Variants in FLT4 observed in about 807,000 individuals in gnomAD.
The protein encoded by FLT4 is fms related receptor tyrosine kinase 4.
Under a neutral mutation model 163.2 loss-of-function variants are expected in FLT4, and 30 were observed. The ratio of observed to expected loss-of-function variants is 0.18; its 90% confidence interval spans 0.14 to 0.25. The LOEUF (loss-of-function observed/expected upper bound fraction) is 0.25, where lower values mean the gene tolerates loss of function less well. FLT4 is among the 10% of genes least tolerant of loss of function. The pLI, the probability that FLT4 is intolerant of heterozygous loss-of-function variation, is 1.00. For missense variants in FLT4, 1,510 were observed against 1,863.8 expected, an observed-to-expected ratio of 0.81 and a Z score of 3.50; for synonymous variants, 884 against 789.5, an observed-to-expected ratio of 1.12 and a Z score of -2.01.
intron 19 of FLT4, 56 bp downstream of exon 19, chr5:180,619,197 C>A: frequency 7.4e-7 from 1 of 1,359,388 alleles, no homozygotes. Flanking sequence ...CCCCCTCCCG[C>A]CCGCGGCGCC....
At chr5:180,647,616 G>C (rs1191372662) in intron 1 of FLT4, among the ~76,000 whole-genome samples, 1 of 151,718 alleles carries the variant, frequency 6.6e-6, no homozygotes, top group Non-Finnish European at 1.5e-5. Flanking sequence ...CTGCAGCTGA[G>C]GGCTTGTGCT....
At position 180,620,462 on chromosome 5, in the gene FLT4, T is replaced by C. The variant is rs1025794754; in HGVS notation, c.2406+147A>G. ...AAAAGACAGACAACCTCTGCGGGGT[T>C]GGAGCCCAGCGTGAAGGGCAGGGAG... On this transcript the variant is annotated intron_variant, in intron 16 of 29. Transcript: ENST00000261937. The surrounding 1 kb of genome is among the most constrained non-coding windows in gnomAD (Gnocchi z 4.4). The C allele has an allele frequency of 1.2e-5, 15 of 1,241,736 alleles. No individual in the cohort carries two copies. The highest frequency in any genetic ancestry group is 5.4e-5 in the Admixed American group (3 of 55,204). 76.9% of individuals were successfully genotyped at this position (1,241,736 alleles called of 1,614,324 possible).
rs761329046 is a variant in FLT4, at chr5:180,616,355, G to C, written c.3219+12C>G. ...CGCCCCACGTTCCCTCTCCTCAATG[G>C]CCTGCACTCACACTGCCCTTGCGGA... On this transcript the variant is annotated intron_variant, in intron 23 of 29. Transcript: ENST00000261937. 6.2e-7 allele frequency: 1 copy of C among 1,613,740 alleles called. No individual in the cohort carries two copies. Among genetic ancestry groups the C allele is most frequent in the African/African-American group, 1.3e-5 (1 of 74,930 alleles).
At chr5:180,646,394 A>C in intron 1 of FLT4, among the ~76,000 whole-genome samples, 2 of 149,988 alleles carry the variant, frequency 1.3e-5, no homozygotes, top group African/African-American at 4.9e-5. Flanking sequence ...CGTTTCCCCT[A>C]CCTCCCATCC....
chr5:180,643,939 A>G (rs1185540835), intron 1 of FLT4, among the ~76,000 whole-genome samples: 1 of 151,574 alleles, frequency 6.6e-6, no homozygotes, highest in East Asian at 1.9e-4. Flanking sequence ...CTCCTGCCTC[A>G]GCCTCCCGAG....
chr5:180,626,005 C>T lies in FLT4; in HGVS notation c.1285G>A (p.Ala429Thr), dbSNP rs2127827327. The change falls in exon 10 of 30, where the codon GCC becomes ACC. Residue 429 changes from alanine (A) to threonine (T), a missense_variant. Coordinates refer to ENST00000261937, the MANE Select transcript of FLT4 (RefSeq NM_182925.5). ...NVPPQIHEKE[A>T]SSPSIYSRHS... ...CGCGAGTAGATGCTGGGGGAGGAGG[C>T]CTCCTTCTCATGTATCTGGGGGGGC... 9 of 1,612,646 alleles carry T rather than the reference C, an allele frequency of 5.6e-6. No homozygotes were observed. Among genetic ancestry groups the T allele is most frequent in the Non-Finnish European group, 7.6e-6 (9 of 1,179,928 alleles).
intron 1 of FLT4, among the ~76,000 whole-genome samples, chr5:180,647,987 C>G (rs986159973): frequency 3.3e-5 from 5 of 152,192 alleles, no homozygotes; most frequent in African/African-American, 1.2e-4. Context: ...CCTCTGGGCC[C>G]CTCCTCCAGG....
At chr5:180,608,539 C>T (rs1761931114) in intron 29 of FLT4, among the ~76,000 whole-genome samples, 2 of 152,306 alleles carry the variant, frequency 1.3e-5, no homozygotes, top group Admixed American at 6.5e-5. Flanking sequence ...AGAACACCCG[C>T]TAAGCCCCAC....
At chr5:180,611,572 C>A (rs1395953461) in intron 26 of FLT4, 93 bp from the exon 27 acceptor site, 7 of 1,369,072 alleles carry the variant, frequency 5.1e-6, no homozygotes, top group Non-Finnish European at 7.0e-6. Flanking sequence ...CCGCCCTCAG[C>A]CCTCACCCCC....
intron 29 of FLT4, among the ~76,000 whole-genome samples, chr5:180,605,652 C>T (rs1761743128): frequency 6.6e-6 from 1 of 152,210 alleles, no homozygotes; most frequent in Admixed American, 6.5e-5. Flanking sequence ...ATATCTTTGG[C>T]ATCTCAAGTT....
intron 18 of FLT4, 31 bp from the exon 19 acceptor site, chr5:180,619,397 C>T: frequency 6.4e-7 from 1 of 1,556,496 alleles, no homozygotes; most frequent in Non-Finnish European, 8.8e-7. Context: ...ACACCGGCCC[C>T]GACCCTGGCA....
intron 1 of FLT4, among the ~76,000 whole-genome samples, chr5:180,635,347 TGGGA>T (rs1324063252): frequency 6.1e-4 from 2 of 3,288 alleles, no homozygotes; most frequent in Non-Finnish European, 7.7e-4. Context: ...TATGGGTGGA[TGGGA>T]GGGTGGGTGG....
chr5:180,618,540 A>ACTGCCTGCCTTGT (rs1340986145), intron 21 of FLT4, among the ~76,000 whole-genome samples: 2 of 152,220 alleles, frequency 1.3e-5, no homozygotes, highest in African/African-American at 4.8e-5. Context: ...TTGGCCCTCC[A>ACTGCCTGCCTTGT]CTGCCTGCCT....
chr5:180,625,752 C>A, intron 10 of FLT4, 117 bp downstream of exon 10: 1 of 950,272 alleles, frequency 1.1e-6, no homozygotes, highest in South Asian at 1.4e-5. Context: ...AGAGCAGGGC[C>A]CTGAGAAGGG....
upstream of FLT4, among the ~76,000 whole-genome samples, chr5:180,649,814 C>G (rs13361585): frequency 0.045 from 6,905 of 152,074 alleles, 207 homozygotes; most frequent in South Asian, 0.13. Flanking sequence ...GTAACGCAGA[C>G]GGTCTCGCGA....
At chr5:180,614,900 C>A (rs1762517997) in intron 23 of FLT4, among the ~76,000 whole-genome samples, 1 of 152,118 alleles carries the variant, frequency 6.6e-6, no homozygotes, top group Non-Finnish European at 1.5e-5. Context: ...AGGCGCGGAA[C>A]CCTGACCCGC....
chr5:180,632,593 TGAG>T (rs1764265402), intron 1 of FLT4, among the ~76,000 whole-genome samples: 1 of 147,824 alleles, frequency 6.8e-6, no homozygotes, highest in African/African-American at 2.5e-5. Flanking sequence ...CTCCTCCCCG[TGAG>T]GTGGTGTGTG....
chr5:180,640,022 G>A (rs1020208737), intron 1 of FLT4, among the ~76,000 whole-genome samples: 1 of 152,190 alleles, frequency 6.6e-6, no homozygotes, highest in Non-Finnish European at 1.5e-5. Flanking sequence ...TCTCTGTACT[G>A]TCAGCAGCCC....
chr5:180,642,478 C>T (rs1466955596), intron 1 of FLT4, among the ~76,000 whole-genome samples: 4 of 152,058 alleles, frequency 2.6e-5, no homozygotes, highest in Admixed American at 6.5e-5. Context: ...GCAGATGGAG[C>T]ATGGTAAAGG....
Sources: allele counts gnomAD v4.1 joint callset (sites outside exome capture counted in the v4.1 genomes callset), GRCh38; gene constraint gnomAD v4.1.1; non-coding constraint Gnocchi (gnomAD v3.1); transcripts MANE v1.5; gene names NCBI Gene and HGNC (gene_info 2026-07-23, HGNC 2026-07-21).